Variants in REXO5 observed in about 807,000 individuals in gnomAD.
REXO5 encodes RNA exonuclease 5, also known as exonuclease NEF-sp.
Under a neutral mutation model 88.5 loss-of-function variants are expected in REXO5, and 48 were observed. That is an observed-to-expected ratio of 0.54 (90% confidence interval 0.43 to 0.69). The LOEUF (loss-of-function observed/expected upper bound fraction) is 0.69, where lower values mean the gene tolerates loss of function less well. Ranked by LOEUF, REXO5 falls within the 30% of genes least tolerant of loss-of-function variation. REXO5 has a pLI of 0.00. For missense variants in REXO5, 749 were observed against 912.2 expected (o/e 0.82, Z 2.30); for synonymous variants, 311 against 336.5 (o/e 0.92, Z 0.83).
chr16:20,845,016 G>T, intron 17 of REXO5, 38 bp from the exon 18 acceptor site: 1 of 1,598,554 alleles, frequency 6.3e-7, no homozygotes. Flanking sequence ...CAGCTTTCTT[G>T]GCCCTTAATA....
At chr16:20,846,857 C>A (rs1194667878) in intron 19 of REXO5, among the ~76,000 whole-genome samples, 1 of 152,198 alleles carries the variant, frequency 6.6e-6, no homozygotes, top group Admixed American at 6.5e-5. Context: ...AGCTACTTCC[C>A]CACTGTAGGT....
At chr16:20,844,114 C>T (rs2081571519) in intron 16 of REXO5, 88 bp downstream of exon 16, 1 of 755,634 alleles carries the variant, frequency 1.3e-6, no homozygotes, top group Non-Finnish European at 2.3e-6. Context: ...AGGAAACACT[C>T]TCAAGAGGCC....
At chr16:20,818,397 G>C (rs1330516755) in intron 5 of REXO5, among the ~76,000 whole-genome samples, 4 of 152,132 alleles carry the variant, frequency 2.6e-5, no homozygotes, top group African/African-American at 9.7e-5. Context: ...TTTTCACCAT[G>C]TTCTACCAGT....
chr16:20,824,750 C>G (rs2081235787), intron 7 of REXO5, among the ~76,000 whole-genome samples: 1 of 152,162 alleles, frequency 6.6e-6, no homozygotes, highest in South Asian at 2.1e-4. Flanking sequence ...TGGCTCACAC[C>G]TGTAATCCCA....
intron 6 of REXO5, among the ~76,000 whole-genome samples, chr16:20,822,318 G>A (rs990608004): frequency 2.6e-5 from 4 of 152,014 alleles, no homozygotes; most frequent in African/African-American, 9.7e-5. Flanking sequence ...GTCTAGGCTC[G>A]GAGCCTTGGT....
At chr16:20,828,013 A>G (rs967747090) in intron 10 of REXO5, among the ~76,000 whole-genome samples, 5 of 152,212 alleles carry the variant, frequency 3.3e-5, no homozygotes, top group African/African-American at 1.2e-4. Flanking sequence ...ATCTATAAAT[A>G]TATACATATA....
At chr16:20,832,873 T>G (rs1412065800) in intron 12 of REXO5, 130 bp from the exon 13 acceptor site, 42 of 808,514 alleles carry the variant, frequency 5.2e-5, no homozygotes, top group Non-Finnish European at 2.4e-5. Context: ...ATTTTTAATT[T>G]TATTTAATTT....
intron 13 of REXO5, among the ~76,000 whole-genome samples, chr16:20,833,826 A>G (rs2081384355): frequency 6.6e-6 from 1 of 152,170 alleles, no homozygotes; most frequent in Admixed American, 6.5e-5. Context: ...ATATAACCAC[A>G]TCTTAACATA....
rs1305475622 is a variant in REXO5 at position 20,807,102 on chromosome 16, G to A, written c.138+11G>A. The A allele has an allele frequency of 9.4e-6, 15 of 1,597,424 alleles. No individual in the cohort carries two copies. Among genetic ancestry groups the A allele is most frequent in the Admixed American group, 3.5e-5 (2 of 57,070 alleles). ...CAGCCCGAGGCCAAGGTGAGCAACG[G>A]GGATCCCGAGCAGGCGGCCCTAGGC... On this transcript the variant is annotated intron_variant, in intron 2 of 19. Coordinates refer to ENST00000261377, the MANE Select transcript of REXO5 (RefSeq NM_030941.3).
At chr16:20,815,600 G>A (rs74012206) in intron 4 of REXO5, among the ~76,000 whole-genome samples, 348 of 151,900 alleles carry the variant, frequency 2.3e-3, no homozygotes, top group African/African-American at 8.0e-3. Context: ...TATTAACCAC[G>A]GACCACCTGC....
chr16:20,836,415 G>A (rs2081430713), intron 13 of REXO5, among the ~76,000 whole-genome samples: 1 of 151,982 alleles, frequency 6.6e-6, no homozygotes, highest in African/African-American at 2.4e-5. Context: ...CTTTAACTTA[G>A]TATATGTATT....
At chr16:20,811,603 G>C (rs1007050155) in intron 2 of REXO5, among the ~76,000 whole-genome samples, 5 of 152,162 alleles carry the variant, frequency 3.3e-5, no homozygotes, top group Non-Finnish European at 5.9e-5. Context: ...ATAGTATAGA[G>C]ATAAGCCTGC....
At chr16:20,813,414 C>A (rs1029584435) in intron 3 of REXO5, 112 bp downstream of exon 3, 1 of 637,078 alleles carries the variant, frequency 1.6e-6, no homozygotes, top group Admixed American at 3.5e-5. Context: ...ACTGGCTTAT[C>A]GACAGTATTT....
At chr16:20,818,432 C>A (rs1449025612) in intron 5 of REXO5, among the ~76,000 whole-genome samples, 1 of 152,056 alleles carries the variant, frequency 6.6e-6, no homozygotes, top group African/African-American at 2.4e-5. Flanking sequence ...TTATATATCC[C>A]TTTTTCTCCA....
At position 20,813,315 on chromosome 16, in the gene REXO5, T is replaced by C; in HGVS notation, c.251+13T>C. ...TTCCAAAACCCAGGTATGAGATGAA[T>C]TTAAATGGTGGGTATTGACCAGCGG... On this transcript the variant is annotated intron_variant, in intron 3 of 19. Coordinates refer to ENST00000261377, the MANE Select transcript of REXO5 (RefSeq NM_030941.3). 7.8e-5 allele frequency: 103 copies of C among 1,324,380 alleles called. No homozygotes were observed. Among genetic ancestry groups the C allele is most frequent in the Non-Finnish European group, 1.1e-4 (97 of 916,908 alleles). 82.0% of individuals were successfully genotyped at this position (1,324,380 alleles called of 1,614,324 possible). A position where few individuals can be genotyped will look rare whatever the true frequency, so the allele number is the denominator to read the frequency against.
Position 20,820,114 on chromosome 16 carries a change from T to C in REXO5, c.476-1648T>C, listed in dbSNP as rs1433164049. On this transcript the variant is annotated intron_variant, in intron 5 of 19. Coordinates refer to ENST00000261377, the MANE Select transcript of REXO5 (RefSeq NM_030941.3). Reference sequence around the variant, plus strand: ...TTCTTAAAACACTGCTTTAATTACATCACTTCCGTTCTCAGGAGCTTTTTG... The same window carrying C: ...TTCTTAAAACACTGCTTTAATTACACCACTTCCGTTCTCAGGAGCTTTTTG... Among the ~76,000 whole-genome samples, 3 of 152,168 alleles carry C rather than the reference T, an allele frequency of 2.0e-5. No homozygotes were observed. In the East Asian group the frequency reaches 5.8e-4, roughly 29 times the overall value.
At chr16:20,846,386 T>G (rs775793488) in intron 19 of REXO5, 47 bp downstream of exon 19, 16 of 1,409,180 alleles carry the variant, frequency 1.1e-5, no homozygotes, top group Non-Finnish European at 1.0e-6. Context: ...CCCCTGGATT[T>G]CAGCTGTTCT....
intron 3 of REXO5, 111 bp from the exon 4 acceptor site, chr16:20,814,813 CTAT>C (rs1346507826): frequency 9.6e-7 from 1 of 1,038,514 alleles, no homozygotes; most frequent in African/African-American, 1.6e-5. Context: ...GTGATAAATT[CTAT>C]TAACTCTCAC....
At position 20,806,600 on chromosome 16, in the gene REXO5, T is replaced by G; in HGVS notation, c.-108T>G. The G allele has an allele frequency of 2.0e-5, 28 of 1,405,498 alleles. No individual in the cohort carries two copies. The highest frequency in any genetic ancestry group is 2.3e-5 in the Non-Finnish European group (25 of 1,063,984). The allele number at this position is 1,405,498 out of a possible 1,614,324, so 87.1% of individuals were successfully genotyped here. On this transcript the variant is annotated 5_prime_UTR_variant, in exon 1 of 20. Coordinates refer to ENST00000261377, the MANE Select transcript of REXO5 (RefSeq NM_030941.3). ...GTCTTCTCTTCTGCGTTTCCCGGGCTAGGGGGCGTGGGGAGTGGTTTTAGG... is the reference window on the plus strand; with the variant it reads ...GTCTTCTCTTCTGCGTTTCCCGGGCGAGGGGGCGTGGGGAGTGGTTTTAGG...
Sources: allele counts gnomAD v4.1 joint callset (sites outside exome capture counted in the v4.1 genomes callset), GRCh38; gene constraint gnomAD v4.1.1; transcripts MANE v1.5; gene names NCBI Gene and HGNC (gene_info 2026-07-23, HGNC 2026-07-21).